ZMAT4: variants seen among roughly 807,000 people sequenced by gnomAD.
ZMAT4 encodes zinc finger matrin-type protein 4.
Under a neutral mutation model 28.7 loss-of-function variants are expected in ZMAT4, and 17 were observed. The ratio of observed to expected loss-of-function variants is 0.59; its 90% CI spans 0.41 to 0.89. The LOEUF (loss-of-function observed/expected upper bound fraction) is 0.89, where lower values mean the gene tolerates loss of function less well. Among genes scored for constraint, ZMAT4 ranks in the 40% least tolerant of loss-of-function variants. ZMAT4 has a pLI of 0.00. For missense variants in ZMAT4, 240 were observed against 283.8 expected, an observed-to-expected ratio of 0.85 and a Z score of 1.11; for synonymous variants, 117 against 109.2, an observed-to-expected ratio of 1.07 and a Z score of -0.44.
chr8:40,566,455 G>A (rs922942200), intron 6 of ZMAT4, among the ~76,000 whole-genome samples: 1 of 152,102 alleles, frequency 6.6e-6, no homozygotes, highest in Non-Finnish European at 1.5e-5. Flanking sequence ...GCAGCAGAGG[G>A]TGGTCATTCA....
intron 5 of ZMAT4, among the ~76,000 whole-genome samples, chr8:40,601,207 G>C (rs1805289935): frequency 6.6e-6 from 1 of 151,966 alleles, no homozygotes; most frequent in Non-Finnish European, 1.5e-5. Context: ...CAGGGTAGGG[G>C]AAAGTCCAGT....
chr8:40,651,466 T>C (rs1156646330), intron 5 of ZMAT4, among the ~76,000 whole-genome samples: 1 of 151,076 alleles, frequency 6.6e-6, no homozygotes, highest in African/African-American at 2.4e-5. Context: ...TGCTCATGGG[T>C]AGGAAAAATC....
intron 6 of ZMAT4, among the ~76,000 whole-genome samples, chr8:40,550,713 G>C (rs1019573671): frequency 2.0e-5 from 3 of 152,120 alleles, no homozygotes; most frequent in Non-Finnish European, 4.4e-5. Context: ...TGAGGAAGGT[G>C]CCTGCTTCCC....
chr8:40,854,236 G>A (rs977003223), intron 1 of ZMAT4, among the ~76,000 whole-genome samples: 1 of 152,118 alleles, frequency 6.6e-6, no homozygotes, highest in Non-Finnish European at 1.5e-5. Context: ...AAACCTGAGT[G>A]GTCTACGGAC....
chr8:40,881,586 G>GGA (rs1818266851), intron 1 of ZMAT4, among the ~76,000 whole-genome samples: 1 of 104,912 alleles, frequency 9.5e-6, no homozygotes, highest in Admixed American at 9.7e-5. Flanking sequence ...AAGAAAGAAA[G>GGA]AAAGAAAGAA....
chr8:40,880,341 C>T (rs528028371), intron 1 of ZMAT4, among the ~76,000 whole-genome samples: 10 of 150,994 alleles, frequency 6.6e-5, no homozygotes, highest in African/African-American at 1.9e-4. Context: ...TGCACTCCAG[C>T]TTGGGCAACA....
chr8:40,732,671 C>T (rs1049331133), intron 3 of ZMAT4, among the ~76,000 whole-genome samples: 6 of 152,112 alleles, frequency 3.9e-5, no homozygotes, highest in Non-Finnish European at 7.4e-5. Context: ...TTGGAGCAAG[C>T]ATGACTGATA....
intron 1 of ZMAT4, among the ~76,000 whole-genome samples, chr8:40,887,362 A>C (rs1214465386): frequency 1.4e-5 from 2 of 143,314 alleles, no homozygotes; most frequent in Non-Finnish European, 3.1e-5. Context: ...CATGGTGGGC[A>C]CCTGTAATCC....
intron 6 of ZMAT4, among the ~76,000 whole-genome samples, chr8:40,568,467 G>A (rs1803992139): frequency 6.6e-6 from 1 of 151,910 alleles, no homozygotes; most frequent in African/African-American, 2.4e-5. Context: ...GGAACTTTGT[G>A]AGAATCCAGA....
intron 5 of ZMAT4, among the ~76,000 whole-genome samples, chr8:40,595,506 C>T (rs997849309): frequency 6.6e-6 from 1 of 152,136 alleles, no homozygotes; most frequent in Non-Finnish European, 1.5e-5. Context: ...CATGGTATAG[C>T]TTACCTACAC....
chr8:40,630,808 A>G (rs1293983371), intron 5 of ZMAT4, among the ~76,000 whole-genome samples: 1 of 152,222 alleles, frequency 6.6e-6, no homozygotes, highest in Non-Finnish European at 1.5e-5. Flanking sequence ...GTGGTACTGG[A>G]CAACAGAAAC....
At chr8:40,740,838 C>G (rs1200755541) in intron 3 of ZMAT4, among the ~76,000 whole-genome samples, 1 of 152,140 alleles carries the variant, frequency 6.6e-6, no homozygotes, top group Non-Finnish European at 1.5e-5. Context: ...AATGTGTGAA[C>G]TGATTTTATA....
chr8:40,850,381 C>T (rs540363286), intron 1 of ZMAT4, among the ~76,000 whole-genome samples: 47 of 152,252 alleles, frequency 3.1e-4, no homozygotes, highest in Middle Eastern at 3.4e-3. Flanking sequence ...GTCCCTACAG[C>T]GAGCCCCCAT....
chr8:40,849,873 A>C (rs181948745), intron 1 of ZMAT4, among the ~76,000 whole-genome samples: 88 of 152,268 alleles, frequency 5.8e-4, no homozygotes, highest in Non-Finnish European at 7.4e-4. Context: ...CAAAGAGTTC[A>C]ACCAAATGCC....
chr8:40,601,636 GAAAGAA>G (rs1805368210), intron 5 of ZMAT4, among the ~76,000 whole-genome samples: 1 of 21,826 alleles, frequency 4.6e-5, no homozygotes, highest in African/African-American at 1.2e-4. Context: ...GAAAGAAAGA[GAAAGAA>G]AGAAAGAAAG....
At chr8:40,556,255 C>T (rs887005526) in intron 6 of ZMAT4, among the ~76,000 whole-genome samples, 1 of 152,210 alleles carries the variant, frequency 6.6e-6, no homozygotes, top group African/African-American at 2.4e-5. Flanking sequence ...TTATTGTGTG[C>T]TTCTCCCAAC....
At chr8:40,634,766 C>T (rs1373549772) in intron 5 of ZMAT4, among the ~76,000 whole-genome samples, 1 of 152,106 alleles carries the variant, frequency 6.6e-6, no homozygotes, top group South Asian at 2.1e-4. Flanking sequence ...AACAAGCAAA[C>T]GCCAATAATC....
intron 5 of ZMAT4, among the ~76,000 whole-genome samples, chr8:40,618,659 GAA>G (rs11373573): frequency 1.4e-5 from 2 of 139,354 alleles, no homozygotes. Flanking sequence ...TCTACCACTA[GAA>G]AAAAAAAAAA....
At chr8:40,650,253 G>A (rs1053900353) in intron 5 of ZMAT4, among the ~76,000 whole-genome samples, 4 of 152,008 alleles carry the variant, frequency 2.6e-5, no homozygotes, top group East Asian at 1.9e-4. Context: ...TATCACCACC[G>A]ATCCCACAGA....
Sources: gnomAD v4.1 joint callset for allele counts (sites outside exome capture counted in the v4.1 genomes callset) on GRCh38, gnomAD v4.1.1 for gene constraint, MANE v1.5 for transcripts, NCBI Gene and HGNC (gene_info 2026-07-23, HGNC 2026-07-21) for gene names.